The following ZNF385D variants were observed in gnomAD, a reference collection of about 807,000 sequenced individuals.
ZNF385D encodes zinc finger protein 385D.
Under a neutral mutation model 35.8 loss-of-function variants are expected in ZNF385D, and 15 were observed. The ratio of observed to expected loss-of-function variants is 0.42; its 90% CI spans 0.28 to 0.64. The LOEUF is 0.64. ZNF385D is among the 30% of genes least tolerant of loss of function. The pLI, the probability that ZNF385D is intolerant of heterozygous loss-of-function variation, is 0.23. For missense variants in ZNF385D, 474 were observed against 494.6 expected, an observed-to-expected ratio of 0.96 and a Z score of 0.39; for synonymous variants, 212 against 186.8, an observed-to-expected ratio of 1.13 and a Z score of -1.10.
At chr3:21,474,654 G>A (rs1255997766) in intron 4 of ZNF385D, among the ~76,000 whole-genome samples, 1 of 151,956 alleles carries the variant, frequency 6.6e-6, no homozygotes, top group African/African-American at 2.4e-5. Flanking sequence ...TTTTTAATGT[G>A]TTGTAAATCC....
intron 3 of ZNF385D, among the ~76,000 whole-genome samples, chr3:21,869,005 T>C (rs1697540518): frequency 6.6e-6 from 1 of 152,086 alleles, no homozygotes; most frequent in Non-Finnish European, 1.5e-5. Context: ...TGGCAGGAAT[T>C]ACGGAAAAAA....
rs1254509729 is a variant in ZNF385D at position 21,869,583 on chromosome 3, GA to G, written c.326-204556del. ...TCTGAGGGATCAATAATGAAAAATTGACAAGCTAAATACAGGCTTAAAATGT... is the reference window on the plus strand; with the variant it reads ...TCTGAGGGATCAATAATGAAAAATTGCAAGCTAAATACAGGCTTAAAATGT... On this transcript the variant is annotated intron_variant, in intron 3 of 5. Coordinates refer to the ZNF385D transcript ENST00000494108. 3.3e-5 allele frequency among the ~76,000 whole-genome samples: 5 copies of G among 152,092 alleles called. No individual in the cohort carries two copies. The South Asian group carries it at 6.2e-4, about 19-fold the overall frequency.
chr3:22,146,522 G>A lies in ZNF385D; in HGVS notation c.325+22295C>T, dbSNP rs139344953. 8.8e-3 allele frequency among the ~76,000 whole-genome samples: 1,342 copies of A among 152,168 alleles called. 21 individuals carry two copies. Among genetic ancestry groups the A allele is most frequent in the African/African-American group, 0.03 (1,259 of 41,540 alleles). On this transcript the variant is annotated intron_variant, in intron 3 of 5. Transcript: ENST00000494108. Reference sequence around the variant, plus strand: ...TAGGTCCTATTAAATATTATACCATGTATTATTATAATTTACTTTTTATGG... The same window carrying A: ...TAGGTCCTATTAAATATTATACCATATATTATTATAATTTACTTTTTATGG...
At chr3:22,272,165 A>C (rs1005326684) in intron 2 of ZNF385D, among the ~76,000 whole-genome samples, 1 of 152,104 alleles carries the variant, frequency 6.6e-6, no homozygotes, top group Non-Finnish European at 1.5e-5. Context: ...AAATGAAGGC[A>C]GCAAGCCAGT....
intron 2 of ZNF385D, among the ~76,000 whole-genome samples, chr3:22,193,053 TAAGAC>T (rs1243846444): frequency 1.3e-5 from 2 of 152,216 alleles, no homozygotes; most frequent in Non-Finnish European, 2.9e-5. Context: ...TAATCTCAGA[TAAGAC>T]AAGAGTAACC....
chr3:22,262,100 G>T (rs539164709), intron 2 of ZNF385D, among the ~76,000 whole-genome samples: 3 of 151,624 alleles, frequency 2.0e-5, no homozygotes, highest in East Asian at 2.0e-4. Flanking sequence ...TGGCTTTTTT[G>T]GTGTTTTCAA....
chr3:21,599,806 A>G (rs1435395668), intron 2 of ZNF385D, among the ~76,000 whole-genome samples: 1 of 152,184 alleles, frequency 6.6e-6, no homozygotes, highest in Non-Finnish European at 1.5e-5. Context: ...GGCAGAGGAC[A>G]CTCCTGTTGT....
intron 2 of ZNF385D, among the ~76,000 whole-genome samples, chr3:22,354,142 T>C (rs568675964): frequency 1.3e-5 from 2 of 152,228 alleles, no homozygotes; most frequent in East Asian, 3.9e-4. Context: ...GTTATACTGA[T>C]TACTGGATTT....
At chr3:21,512,611 A>T (rs1209024087) in intron 3 of ZNF385D, among the ~76,000 whole-genome samples, 3 of 152,236 alleles carry the variant, frequency 2.0e-5, no homozygotes, top group Admixed American at 6.5e-5. Flanking sequence ...TTGAACAGAG[A>T]GCACACTCAT....
At chr3:22,192,281 C>T (rs1696108924) in intron 2 of ZNF385D, among the ~76,000 whole-genome samples, 2 of 152,122 alleles carry the variant, frequency 1.3e-5, no homozygotes, top group Non-Finnish European at 2.9e-5. Context: ...AATGAGTTGC[C>T]AATAGCCTTT....
intron 2 of ZNF385D, chr3:22,372,405 AC>A: frequency 1.0e-6 from 1 of 973,154 alleles, no homozygotes; most frequent in Non-Finnish European, 1.2e-6. Flanking sequence ...GCCCCAACGA[AC>A]TCCGCCACCT....
chr3:21,630,348 G>C (rs976587330), intron 2 of ZNF385D, among the ~76,000 whole-genome samples: 1 of 151,892 alleles, frequency 6.6e-6, no homozygotes, highest in African/African-American at 2.4e-5. Context: ...TGGGATTACA[G>C]GCATGTGCCA....
At chr3:21,453,984 G>A (rs1559461137) in intron 4 of ZNF385D, among the ~76,000 whole-genome samples, 1 of 151,994 alleles carries the variant, frequency 6.6e-6, no homozygotes, top group African/African-American at 2.4e-5. Context: ...ATAAAATGTA[G>A]TATTTCTATA....
intron 4 of ZNF385D, among the ~76,000 whole-genome samples, chr3:21,508,381 TG>T: frequency 6.6e-6 from 1 of 152,164 alleles, no homozygotes; most frequent in East Asian, 1.9e-4. Context: ...AGGGGTGGGG[TG>T]GGGGTGTTAA....
chr3:21,501,147 A>G (rs560826410), intron 4 of ZNF385D, among the ~76,000 whole-genome samples: 53 of 152,222 alleles, frequency 3.5e-4, no homozygotes, highest in Non-Finnish European at 6.2e-4. Context: ...TCCAGCCTCT[A>G]TATATACCTG....
chr3:22,333,639 C>T (rs1175124700), intron 2 of ZNF385D, among the ~76,000 whole-genome samples: 1 of 152,026 alleles, frequency 6.6e-6, no homozygotes, highest in Admixed American at 6.6e-5. Context: ...TATTCTATTT[C>T]TTTCCTAAGA....
chr3:22,166,540 T>C (rs561249058), intron 3 of ZNF385D, among the ~76,000 whole-genome samples: 1 of 152,178 alleles, frequency 6.6e-6, no homozygotes, highest in African/African-American at 2.4e-5. Flanking sequence ...TTATCCTCAA[T>C]GTCCACATCT....
intron 4 of ZNF385D, among the ~76,000 whole-genome samples, chr3:21,509,611 G>C (rs1344601502): frequency 6.6e-6 from 1 of 151,882 alleles, no homozygotes; most frequent in Non-Finnish European, 1.5e-5. Context: ...GCACAAACTT[G>C]GCTATATCAG....
intron 1 of ZNF385D, among the ~76,000 whole-genome samples, chr3:21,718,809 C>G (rs150722500): frequency 6.6e-6 from 1 of 152,302 alleles, no homozygotes; most frequent in East Asian, 1.9e-4. Flanking sequence ...CTGACAATCA[C>G]AACTGAATCA....
Sources: allele counts gnomAD v4.1 joint callset (sites outside exome capture counted in the v4.1 genomes callset), GRCh38; gene constraint gnomAD v4.1.1; transcripts MANE v1.5; gene names NCBI Gene and HGNC (gene_info 2026-07-23, HGNC 2026-07-21).